The following GID4 variants were observed in gnomAD, a reference collection of about 807,000 sequenced individuals.
The protein encoded by GID4 is GID complex subunit 4 homolog.
In GID4, 7 loss-of-function variants were observed where a neutral mutation model predicts 32.4. The ratio of observed to expected loss-of-function variants is 0.22; its 90% confidence interval spans 0.12 to 0.41. The LOEUF is 0.41. GID4 is among the 10% of genes least tolerant of loss of function. The pLI is 1.00. For synonymous variants in GID4, 166 were observed against 170.0 expected (o/e 0.98, Z 0.18); for missense variants, 309 against 400.0 (o/e 0.77, Z 1.94).
intron 2 of GID4, among the ~76,000 whole-genome samples, chr17:18,050,143 G>A (rs1259193974): frequency 6.6e-6 from 1 of 152,100 alleles, no homozygotes; most frequent in Non-Finnish European, 1.5e-5. Context: ...GGGCATTTAG[G>A]TTGACCCACT....
At chr17:18,058,825 T>C in intron 3 of GID4, 43 bp from the exon 4 acceptor site, 1 of 1,214,448 alleles carries the variant, frequency 8.2e-7, no homozygotes, top group Non-Finnish European at 1.2e-6. Context: ...GAGCAGCCTC[T>C]CCTTCTCTCA....
chr17:18,048,597 GT>G (rs889651537), intron 2 of GID4, among the ~76,000 whole-genome samples: 3 of 151,694 alleles, frequency 2.0e-5, no homozygotes, highest in Non-Finnish European at 2.9e-5. Flanking sequence ...CTGTATTTGG[GT>G]TTTTTTTCTT....
At chr17:18,053,705 A>T (rs757764572) in intron 2 of GID4, among the ~76,000 whole-genome samples, 7 of 152,218 alleles carry the variant, frequency 4.6e-5, no homozygotes, top group Non-Finnish European at 7.3e-5. Flanking sequence ...AGCCAGTTGG[A>T]GAACCAGTGG....
intron 5 of GID4, among the ~76,000 whole-genome samples, chr17:18,064,630 A>G (rs981204827): frequency 6.6e-6 from 1 of 152,134 alleles, no homozygotes; most frequent in Admixed American, 6.6e-5. Flanking sequence ...CAGGGGAGGC[A>G]AACACCTCAG....
Position 18,055,048 on chromosome 17 carries a change from G to A in GID4, c.606+814G>A, listed in dbSNP as rs9899553. ...TAGCTGGGCGTGGTGGTGGGCACCC[G>A]TAGTCCCAGCTACTCTGGAGGCTGA... On this transcript the variant is annotated intron_variant, in intron 3 of 5. Coordinates refer to ENST00000268719, the MANE Select transcript of GID4 (RefSeq NM_024052.5). Among the ~76,000 whole-genome samples the A allele has an allele frequency of 3.7e-3, 565 of 152,066 alleles. 10 individuals are homozygous for A. Among genetic ancestry groups the A allele is most frequent in the African/African-American group, 0.012 (511 of 41,490 alleles).
At chr17:18,044,791 G>A (rs964628854) in intron 1 of GID4, among the ~76,000 whole-genome samples, 3 of 152,208 alleles carry the variant, frequency 2.0e-5, no homozygotes, top group African/African-American at 7.2e-5. Flanking sequence ...CACGTGTACA[G>A]GCAGAGACAG....
At chr17:18,045,109 T>C (rs111990805) in intron 1 of GID4, 38 bp from the exon 2 acceptor site, 24 of 1,543,554 alleles carry the variant, frequency 1.6e-5, no homozygotes, top group African/African-American at 6.8e-5. Context: ...CTAGTAAGTT[T>C]ATCTATTTGT....
At chr17:18,051,718 G>T (rs1266028304) in intron 2 of GID4, among the ~76,000 whole-genome samples, 1 of 151,668 alleles carries the variant, frequency 6.6e-6, no homozygotes, top group Non-Finnish European at 1.5e-5. Flanking sequence ...TCAAATGCAG[G>T]TGCTGATTTA....
chr17:18,054,657 C>T (rs1178649509), intron 3 of GID4, among the ~76,000 whole-genome samples: 2 of 152,190 alleles, frequency 1.3e-5, no homozygotes, highest in Admixed American at 1.3e-4. Flanking sequence ...GGGAATCTGC[C>T]TGCCCACTGG....
chr17:18,056,890 C>T (rs763702178), intron 3 of GID4: 30 of 1,550,484 alleles, frequency 1.9e-5, no homozygotes, highest in Non-Finnish European at 2.5e-5. Context: ...AGCATTTCCC[C>T]TAACTTTCAC....
intron 2 of GID4, among the ~76,000 whole-genome samples, chr17:18,048,005 A>G (rs1044666905): frequency 2.0e-5 from 3 of 150,622 alleles, no homozygotes; most frequent in African/African-American, 7.4e-5. Flanking sequence ...GGTTCACGCC[A>G]TTCTCCTGCC....
intron 1 of GID4, among the ~76,000 whole-genome samples, chr17:18,041,508 T>C (rs148142035): frequency 6.6e-6 from 1 of 152,338 alleles, no homozygotes; most frequent in East Asian, 1.9e-4. Context: ...GGAAATACGA[T>C]TGTGGCTGAA....
intron 2 of GID4, among the ~76,000 whole-genome samples, chr17:18,050,128 T>C (rs1319357254): frequency 2.6e-5 from 4 of 152,240 alleles, no homozygotes; most frequent in Non-Finnish European, 5.9e-5. Flanking sequence ...CAATCTGTCA[T>C]TGATGGGCAT....
chr17:18,041,160 C>A (rs1226220140), intron 1 of GID4, among the ~76,000 whole-genome samples: 2 of 152,120 alleles, frequency 1.3e-5, no homozygotes, highest in Admixed American at 1.3e-4. Flanking sequence ...CTCCAAACAC[C>A]TGTCCCTCTG....
At chr17:18,041,392 T>C (rs1432781887) in intron 1 of GID4, among the ~76,000 whole-genome samples, 3 of 152,244 alleles carry the variant, frequency 2.0e-5, no homozygotes, top group African/African-American at 7.2e-5. Context: ...CTCATACTGC[T>C]TTGTGGGAAT....
chr17:18,056,961 G>GT (rs1328619013), intron 3 of GID4: 1 of 1,550,542 alleles, frequency 6.4e-7, no homozygotes, highest in Non-Finnish European at 8.7e-7. Flanking sequence ...CTGCACCTGG[G>GT]TTTGTCTGAG....
chr17:18,042,640 T>C lies in GID4; in HGVS notation c.439-2507T>C, dbSNP rs549883481. The stretch of plus-strand genomic sequence containing the variant: ...ATGAACATTTATGTACAAGTTTTTA[T>C]GTGGATGTATATTTCACTTTGGTAG... On this transcript the variant is annotated intron_variant, in intron 1 of 5. Transcript: ENST00000268719. 5.2e-5 allele frequency among the ~76,000 whole-genome samples: 8 copies of C among 152,384 alleles called. No homozygotes were observed. The South Asian group carries it at 6.2e-4, about 12-fold the overall frequency.
Position 18,039,530 on chromosome 17 carries a change from C to A in GID4, c.66C>A (p.Val22=). Residue 22 remains valine, a synonymous_variant, in exon 1 of 6, where the codon GTC becomes GTA. Transcript: ENST00000268719. The surrounding 1 kb of genome is among the most constrained non-coding windows in gnomAD (Gnocchi z 5.3). Reference sequence around the variant, plus strand: ...GGACTGGGAGGCCCTGCTCGCAGGTCCCTGGGTCCCGGTGGCGGCCGGAGC... The same window carrying A: ...GGACTGGGAGGCCCTGCTCGCAGGTACCTGGGTCCCGGTGGCGGCCGGAGC... ...QLRTGRPCSQ[V]PGSRWRPERL... 7.6e-7 allele frequency: 1 copy of A among 1,308,992 alleles called. No homozygotes were observed. The highest frequency in any genetic ancestry group is 9.7e-7 in the Non-Finnish European group (1 of 1,033,586). 81.1% of individuals were successfully genotyped at this position (1,308,992 alleles called of 1,614,324 possible). A position where few individuals can be genotyped will look rare whatever the true frequency, so the allele number is the denominator to read the frequency against.
chr17:18,062,123 C>A, intron 5 of GID4, 148 bp downstream of exon 5: 1 of 720,408 alleles, frequency 1.4e-6, no homozygotes, highest in South Asian at 1.7e-5. Context: ...TTTCAGTGAT[C>A]TCAGTTGCTC....
Sources: allele counts gnomAD v4.1 joint callset (sites outside exome capture counted in the v4.1 genomes callset), GRCh38; gene constraint gnomAD v4.1.1; non-coding constraint Gnocchi (gnomAD v3.1); transcripts MANE v1.5; gene names NCBI Gene and HGNC (gene_info 2026-07-23, HGNC 2026-07-21).